The following GPC3 variants were observed in gnomAD, a reference collection of about 807,000 sequenced individuals.
GPC3 encodes the protein glypican-3.
GPC3 carries 3 observed loss-of-function variants against 34.4 expected under a neutral mutation model. The observed-to-expected ratio is 0.09, with a 90% CI of 0.04 to 0.23. GPC3 has a LOEUF of 0.23. Among genes scored for constraint, GPC3 ranks in the 10% least tolerant of loss-of-function variants. The pLI, the probability that GPC3 is intolerant of heterozygous loss-of-function variation, is 1.00. For synonymous variants in GPC3, 177 were observed against 174.0 expected, an observed-to-expected ratio of 1.02 and a Z score of -0.13; for missense variants, 351 against 445.6, an observed-to-expected ratio of 0.79 and a Z score of 1.91.
intron 6 of GPC3, among the ~76,000 whole-genome samples, chrX:133,624,279 G>A (rs2070270559): frequency 1.8e-5 from 2 of 111,512 alleles, no homozygotes; most frequent in South Asian, 7.6e-4. Flanking sequence ...ACATTCAAAA[G>A]CTAGCAGAAG....
At chrX:133,981,161 C>T (rs1196162899) in intron 1 of GPC3, among the ~76,000 whole-genome samples, 1 of 112,215 alleles carries the variant, frequency 8.9e-6, no homozygotes, top group Non-Finnish European at 1.9e-5. Context: ...AGTTCTTTTC[C>T]CTTGCCCAGG....
At chrX:133,598,063 G>C (rs189421282) in intron 6 of GPC3, among the ~76,000 whole-genome samples, 103 of 112,263 alleles carry the variant, frequency 9.2e-4, no homozygotes, top group African/African-American at 3.2e-3. Flanking sequence ...ATCAACATTT[G>C]CCATCTTAGA....
intron 1 of GPC3, among the ~76,000 whole-genome samples, chrX:133,963,047 C>T (rs2076448259): frequency 8.9e-6 from 1 of 112,185 alleles, no homozygotes; most frequent in Admixed American, 9.5e-5. Context: ...CATTCTCAAC[C>T]GGGCATTGGG....
chrX:133,870,727 AT>A (rs768149069), intron 2 of GPC3, among the ~76,000 whole-genome samples: 36 of 111,326 alleles, frequency 3.2e-4, no homozygotes, highest in African/African-American at 1.1e-3. Context: ...CCCCAAATAT[AT>A]TAAAAGAGGA....
At chrX:133,588,089 C>A (rs1037238242) in intron 7 of GPC3, among the ~76,000 whole-genome samples, 2 of 111,433 alleles carry the variant, frequency 1.8e-5, no homozygotes, top group African/African-American at 6.5e-5. Context: ...GGGCTGATAT[C>A]CCAAGAAATG....
intron 2 of GPC3, among the ~76,000 whole-genome samples, chrX:133,772,648 C>G (rs2071935272): frequency 8.9e-6 from 1 of 111,952 alleles, no homozygotes; most frequent in Admixed American, 9.5e-5. Context: ...AACGTGATGT[C>G]AGAAGACCAG....
At chrX:133,615,323 C>T (rs1450041047) in intron 6 of GPC3, among the ~76,000 whole-genome samples, 17 of 111,627 alleles carry the variant, frequency 1.5e-4, no homozygotes, top group Non-Finnish European at 2.8e-4. Flanking sequence ...AATCCAGCAA[C>T]ATATACAAAG....
rs778237651 is a variant in GPC3 at position 133,793,315 on chromosome X, G to A, written c.338-39139C>T. On this transcript the variant is annotated intron_variant, in intron 2 of 7. Transcript: ENST00000370818. ...TAAAGAAAAACCCATTACAGTTAAT[G>A]TGTATGGGCATATGCATATAATTTG... 1.2e-4 allele frequency among the ~76,000 whole-genome samples: 13 copies of A among 112,091 alleles called. No homozygotes were observed. The South Asian group carries it at 4.5e-3, about 39-fold the overall frequency.
intron 2 of GPC3, among the ~76,000 whole-genome samples, chrX:133,832,481 T>C (rs971676823): frequency 2.8e-5 from 3 of 108,064 alleles, no homozygotes; most frequent in African/African-American, 6.8e-5. Flanking sequence ...TGATATTTTA[T>C]GGAGAAATCC....
At chrX:133,679,788 G>A (rs1443509666) in intron 5 of GPC3, among the ~76,000 whole-genome samples, 1 of 110,992 alleles carries the variant, frequency 9.0e-6, no homozygotes, top group Non-Finnish European at 1.9e-5. Flanking sequence ...TCGGATAATT[G>A]AAACTAGAGG....
intron 3 of GPC3, among the ~76,000 whole-genome samples, chrX:133,707,740 G>A (rs1241548526): frequency 2.7e-5 from 3 of 110,949 alleles, no homozygotes; most frequent in Non-Finnish European, 5.7e-5. Flanking sequence ...TTAATTATCC[G>A]AGATAATTTT....
At chrX:133,679,108 T>C (rs2070913311) in intron 5 of GPC3, among the ~76,000 whole-genome samples, 1 of 112,265 alleles carries the variant, frequency 8.9e-6, no homozygotes, top group African/African-American at 3.2e-5. Flanking sequence ...CTGACTTGTT[T>C]AAAAATAAAA....
At chrX:133,589,793 T>C (rs1216210994) in intron 7 of GPC3, among the ~76,000 whole-genome samples, 1 of 111,737 alleles carries the variant, frequency 8.9e-6, no homozygotes, top group Non-Finnish European at 1.9e-5. Context: ...ACTAATACAA[T>C]CGGTTTAAGC....
intron 6 of GPC3, among the ~76,000 whole-genome samples, chrX:133,620,892 G>A (rs149450048): frequency 1.2e-3 from 136 of 110,781 alleles, no homozygotes; most frequent in African/African-American, 4.3e-3. Context: ...CTACCTTTCC[G>A]GACCAAACCA....
chrX:133,570,905 C>T (rs2069622624), intron 7 of GPC3, among the ~76,000 whole-genome samples: 1 of 111,381 alleles, frequency 9.0e-6, no homozygotes, highest in Admixed American at 9.5e-5. Context: ...AAAAAAAAAT[C>T]TCACAGGAGA....
chrX:133,838,666 A>G (rs2075810108), intron 2 of GPC3, among the ~76,000 whole-genome samples: 1 of 112,187 alleles, frequency 8.9e-6, no homozygotes, highest in African/African-American at 3.2e-5. Flanking sequence ...ATGTGGATTC[A>G]GTAATTTGCT....
intron 2 of GPC3, among the ~76,000 whole-genome samples, chrX:133,848,888 G>A (rs994864907): frequency 9.1e-6 from 1 of 110,496 alleles, no homozygotes; most frequent in African/African-American, 3.3e-5. Flanking sequence ...GAGTAAGGGG[G>A]TTGTGAGTAC....
chrX:133,718,383 T>C (rs2071333929), intron 3 of GPC3, among the ~76,000 whole-genome samples: 1 of 111,445 alleles, frequency 9.0e-6, no homozygotes, highest in African/African-American at 3.3e-5. Context: ...TGTTATAAAA[T>C]GTTAGTTGCA....
At chrX:133,726,896 CT>C (rs1753496374) in intron 3 of GPC3, among the ~76,000 whole-genome samples, 2 of 112,012 alleles carry the variant, frequency 1.8e-5, no homozygotes, top group Non-Finnish European at 3.8e-5. Flanking sequence ...GACATCATGA[CT>C]GACACCTGTA....
Sources: gnomAD v4.1 joint callset for allele counts (sites outside exome capture counted in the v4.1 genomes callset) on GRCh38, gnomAD v4.1.1 for gene constraint, MANE v1.5 for transcripts, NCBI Gene and HGNC (gene_info 2026-07-23, HGNC 2026-07-21) for gene names.